The following FBXL17 variants were observed in gnomAD, a reference collection of about 807,000 sequenced individuals.
FBXL17 encodes the protein F-box/LRR-repeat protein 17.
FBXL17 carries 22 observed loss-of-function variants against 66.2 expected under a neutral mutation model. The ratio of observed to expected loss-of-function variants is 0.33; its 90% CI spans 0.24 to 0.47. The LOEUF (loss-of-function observed/expected upper bound fraction) is 0.47. Ranked by LOEUF, FBXL17 falls within the 20% of genes least tolerant of loss-of-function variation. FBXL17 has a pLI of 1.00. For synonymous variants in FBXL17, 474 were observed against 400.5 expected (o/e 1.18, Z -2.19); for missense variants, 878 against 948.2 (o/e 0.93, Z 0.97).
intron 7 of FBXL17, among the ~76,000 whole-genome samples, chr5:108,006,590 C>T (rs1054140265): frequency 6.6e-6 from 1 of 152,216 alleles, no homozygotes; most frequent in Non-Finnish European, 1.5e-5. Flanking sequence ...GAAGTACTTA[C>T]ATTAGCCAGT....
rs77635997 is a variant in FBXL17 at position 108,197,933 on chromosome 5, A to G, written c.1615-11686T>C. 5.5e-3 allele frequency among the ~76,000 whole-genome samples: 835 copies of G among 152,234 alleles called. 11 individuals are homozygous for G. The highest frequency in any genetic ancestry group is 0.019 in the African/African-American group (793 of 41,534). On this transcript the variant is annotated intron_variant, in intron 5 of 8. Coordinates refer to ENST00000542267, the MANE Select transcript of FBXL17 (RefSeq NM_001163315.3). ...GTTAATAAAAAATGCCTAAACCTTA[A>G]TTTCAGAAATCAGTTTTTCTATCCC...
intron 6 of FBXL17, among the ~76,000 whole-genome samples, chr5:108,088,673 C>G (rs1391425231): frequency 7.4e-6 from 1 of 134,820 alleles, no homozygotes; most frequent in Admixed American, 8.2e-5. Context: ...TGCACTCCAG[C>G]CTGGCCGACA....
chr5:108,044,681 AG>A (rs1322457868), intron 6 of FBXL17, among the ~76,000 whole-genome samples: 2 of 152,128 alleles, frequency 1.3e-5, no homozygotes, highest in East Asian at 3.9e-4. Context: ...CTTCTGTTCT[AG>A]TTTCTGGAAA....
intron 6 of FBXL17, among the ~76,000 whole-genome samples, chr5:108,125,675 T>C (rs1453586615): frequency 6.6e-6 from 1 of 152,094 alleles, no homozygotes; most frequent in African/African-American, 2.4e-5. Flanking sequence ...GTGGGATATG[T>C]TAATAGTAAT....
At chr5:108,166,559 T>A (rs1752423996) in intron 6 of FBXL17, among the ~76,000 whole-genome samples, 1 of 152,132 alleles carries the variant, frequency 6.6e-6, no homozygotes, top group Non-Finnish European at 1.5e-5. Context: ...ATTTTGAACA[T>A]CAGATAGAGT....
At chr5:108,098,602 G>A (rs113525425) in intron 6 of FBXL17, among the ~76,000 whole-genome samples, 6 of 151,892 alleles carry the variant, frequency 4.0e-5, no homozygotes, top group African/African-American at 9.7e-5. Context: ...AAAATTAGCC[G>A]GGCGTGGTGG....
At chr5:108,344,226 T>C (rs1398949302) in intron 4 of FBXL17, among the ~76,000 whole-genome samples, 1 of 152,084 alleles carries the variant, frequency 6.6e-6, no homozygotes, top group African/African-American at 2.4e-5. Context: ...ACATCATTCA[T>C]GTAAGCCTCC....
chr5:108,273,992 A>C (rs992062697), intron 4 of FBXL17, among the ~76,000 whole-genome samples: 2 of 152,234 alleles, frequency 1.3e-5, no homozygotes, highest in African/African-American at 4.8e-5. Context: ...GGAATTTCTT[A>C]AATGATAAAA....
At chr5:108,283,986 G>A (rs762549865) in intron 4 of FBXL17, among the ~76,000 whole-genome samples, 2 of 151,976 alleles carry the variant, frequency 1.3e-5, no homozygotes, top group African/African-American at 4.8e-5. Context: ...ACTGCGATGA[G>A]ATGTCATCTT....
chr5:108,291,941 G>C (rs1300834240), intron 4 of FBXL17, among the ~76,000 whole-genome samples: 1 of 151,950 alleles, frequency 6.6e-6, no homozygotes, highest in Non-Finnish European at 1.5e-5. Context: ...AGTTCAGGTG[G>C]TCATCATTTC....
chr5:108,098,528 G>A (rs1401349562), intron 6 of FBXL17, among the ~76,000 whole-genome samples: 2 of 152,054 alleles, frequency 1.3e-5, no homozygotes, highest in East Asian at 1.9e-4. Context: ...GGTGGATCAC[G>A]AGGTCAGGAG....
intron 4 of FBXL17, among the ~76,000 whole-genome samples, chr5:108,324,221 T>A (rs57683463): frequency 0.022 from 3,412 of 151,984 alleles, 131 homozygotes; most frequent in African/African-American, 0.078. Context: ...CACAAAGAAC[T>A]CCTACAACTC....
chr5:108,362,329 T>C (rs80271550), intron 3 of FBXL17, among the ~76,000 whole-genome samples: 4,115 of 152,256 alleles, frequency 0.027, 172 homozygotes, highest in African/African-American at 0.093. Context: ...TAAAACTGCA[T>C]ATAATTGAGT....
chr5:108,260,706 T>C (rs1756778782), intron 4 of FBXL17, among the ~76,000 whole-genome samples: 1 of 152,116 alleles, frequency 6.6e-6, no homozygotes, highest in South Asian at 2.1e-4. Flanking sequence ...GGAAACTGTA[T>C]TGTGCCTGTG....
intron 7 of FBXL17, among the ~76,000 whole-genome samples, chr5:107,897,711 A>G (rs1213252324): frequency 6.6e-6 from 1 of 152,104 alleles, no homozygotes; most frequent in African/African-American, 2.4e-5. Context: ...AGAATTATCA[A>G]TGCTGTGAAA....
intron 4 of FBXL17, among the ~76,000 whole-genome samples, chr5:108,252,462 G>A (rs1756399332): frequency 6.6e-6 from 1 of 151,706 alleles, no homozygotes; most frequent in Admixed American, 6.6e-5. Flanking sequence ...AAAAAAAAAA[G>A]AAACTAATTC....
At chr5:108,227,352 A>C (rs1422033926) in intron 4 of FBXL17, among the ~76,000 whole-genome samples, 2 of 152,190 alleles carry the variant, frequency 1.3e-5, no homozygotes, top group Non-Finnish European at 2.9e-5. Context: ...ACCTCCAAAA[A>C]AATTTCCATT....
chr5:108,009,994 T>A (rs529377875), intron 7 of FBXL17, among the ~76,000 whole-genome samples: 2 of 152,294 alleles, frequency 1.3e-5, no homozygotes, highest in East Asian at 3.9e-4. Flanking sequence ...CTCTAGCAGG[T>A]CATTCACTGA....
intron 7 of FBXL17, among the ~76,000 whole-genome samples, chr5:108,005,729 C>G (rs1462571750): frequency 6.6e-6 from 1 of 152,206 alleles, no homozygotes; most frequent in Admixed American, 6.5e-5. Flanking sequence ...GATAGGGACA[C>G]CATTGCTTTC....
Sources: gnomAD v4.1 joint callset for allele counts (sites outside exome capture counted in the v4.1 genomes callset) on GRCh38, gnomAD v4.1.1 for gene constraint, MANE v1.5 for transcripts, NCBI Gene and HGNC (gene_info 2026-07-23, HGNC 2026-07-21) for gene names.